Variants in AKR1C1 observed in about 807,000 individuals in gnomAD.
AKR1C1 encodes the protein 20 alpha-hydroxysteroid dehydrogenase.
A neutral mutation model predicts 40.6 loss-of-function variants in AKR1C1; 32 were observed. That is an observed-to-expected ratio of 0.79 (90% CI 0.60 to 1.06). The LOEUF (loss-of-function observed/expected upper bound fraction) is 1.06, where lower values mean the gene tolerates loss of function less well. Ranked by LOEUF, AKR1C1 falls within the 50% of genes least tolerant of loss-of-function variation. The probability of loss-of-function intolerance (pLI) is 0.00; values close to 1 mark genes in which losing one functional copy is unlikely to be tolerated. For missense variants in AKR1C1, 320 were observed against 363.5 expected, an observed-to-expected ratio of 0.88 and a Z score of 0.97; for synonymous variants, 105 against 134.2, an observed-to-expected ratio of 0.78 and a Z score of 1.50.
chr10:4,978,774 C>T lies in AKR1C1; in HGVS notation c.*1032C>T, dbSNP rs1229319873. ...TAATACATCTAATAAATCAAATGTT[C>T]CAAGACTTCAAAGGTCTTTTGGAAA... is the stretch of plus-strand genomic sequence containing the variant. On this transcript the variant is annotated 3_prime_UTR_variant, in exon 9 of 9. Coordinates refer to ENST00000380872, the MANE Select transcript of AKR1C1 (RefSeq NM_001353.6). The T allele has an allele frequency of 1.3e-5, 2 of 152,162 alleles. No homozygotes were observed. Among genetic ancestry groups the T allele is most frequent in the Non-Finnish European group, 2.9e-5 (2 of 68,028 alleles). 9.4% of individuals were successfully genotyped at this position (152,162 alleles called of 1,614,324 possible).
At chr10:4,965,169 G>T (rs1836311557) in intron 1 of AKR1C1, among the ~76,000 whole-genome samples, 1 of 152,224 alleles carries the variant, frequency 6.6e-6, no homozygotes, top group South Asian at 2.1e-4. Context: ...TGCATTCTGT[G>T]CAATATGGTG....
chr10:4,969,083 A>G (rs1836382295), intron 5 of AKR1C1, 139 bp downstream of exon 5: 1 of 1,517,660 alleles, frequency 6.6e-7, no homozygotes, highest in Non-Finnish European at 8.8e-7. Flanking sequence ...CTCGAAGGGC[A>G]TAGAGGGATC....
rs563851320 is a variant in AKR1C1 at position 4,982,872 on chromosome 10, C to G, written c.*5130C>G. The G allele has an allele frequency of 2.6e-5, 11 of 423,768 alleles. No individual in the cohort carries two copies. The highest frequency in any genetic ancestry group is 4.7e-5 in the Non-Finnish European group (10 of 211,432). The allele number at this position is 423,768 out of a possible 1,614,324, so 26.3% of individuals were successfully genotyped here. ...TGCATGAGCTCAGCTGTTACCACTG[C>G]GTACCACACCCTGACCAGTCAGAGG... On this transcript the variant is annotated 3_prime_UTR_variant, in exon 9 of 9. Transcript: ENST00000380872.
At chr10:4,967,155 A>G (rs4445550) in intron 3 of AKR1C1, 112 bp downstream of exon 3, 342,873 of 1,186,390 alleles carry the variant, frequency 0.29, 53,999 homozygotes, top group African/African-American at 0.52. Context: ...ATTATAACAT[A>G]GAAGAAGAAT....
chr10:4,966,191 C>A, intron 2 of AKR1C1, 110 bp downstream of exon 2: 2 of 1,496,014 alleles, frequency 1.3e-6, no homozygotes, highest in South Asian at 1.4e-5. Context: ...TTATTTATTA[C>A]GATTTATTCA....
At chr10:4,973,917 T>TA (rs1554770176) in intron 7 of AKR1C1, among the ~76,000 whole-genome samples, 1 of 147,428 alleles carries the variant, frequency 6.8e-6, no homozygotes, top group Non-Finnish European at 1.5e-5. Flanking sequence ...ATATGAAATA[T>TA]CATATATGAT....
intron 5 of AKR1C1, chr10:4,969,671 G>A (rs774111190): frequency 9.3e-6 from 15 of 1,610,208 alleles, no homozygotes; most frequent in Middle Eastern, 1.8e-4. Flanking sequence ...TGTTCCTTTT[G>A]TAGCCTAGAG....
rs1182407022 is a variant in AKR1C1 at position 4,980,295 on chromosome 10, A to G, written c.*2553A>G. The G allele has an allele frequency of 2.8e-5, 4 of 144,514 alleles. No individual in the cohort carries two copies. The highest frequency in any genetic ancestry group is 7.2e-5 in the Admixed American group (1 of 13,852). The allele number at this position is 144,514 out of a possible 1,614,324, so 9.0% of individuals were successfully genotyped here. On this transcript the variant is annotated 3_prime_UTR_variant, in exon 9 of 9. Transcript: ENST00000380872. ...AATCACGCCACCTCACAAAATGGTA[A>G]CAGTGGATATAAAGGATAGAAAGCT...
In AKR1C1 at chr10:4,977,023, G is replaced by T. The variant is rs372891236; in HGVS notation, c.930-677G>T. The stretch of plus-strand genomic sequence containing the variant: ...ATATGGTCTGGAGTAAACCACTTGC[G>T]AGCTTCCAAGTGTTTGCTCTTGGTG... On this transcript the variant is annotated intron_variant, in intron 8 of 8. Transcript: ENST00000380872. Among the ~76,000 whole-genome samples the T allele has an allele frequency of 6.6e-5, 10 of 152,288 alleles. No individual in the cohort carries two copies. The South Asian group carries it at 1.5e-3, about 22-fold the overall frequency.
intron 2 of AKR1C1, among the ~76,000 whole-genome samples, chr10:4,966,355 A>T (rs977997011): frequency 6.6e-6 from 1 of 152,214 alleles, no homozygotes; most frequent in African/African-American, 2.4e-5. Flanking sequence ...AATCAGAAAA[A>T]ATCCTAATCA....
At chr10:4,966,881 T>G (rs751643678) in intron 2 of AKR1C1, 46 bp from the exon 3 acceptor site, 31 of 1,555,924 alleles carry the variant, frequency 2.0e-5, no homozygotes, top group Non-Finnish European at 2.0e-5. Context: ...CTAGTAAAAT[T>G]GGCTCAAGTT....
intron 8 of AKR1C1, among the ~76,000 whole-genome samples, chr10:4,976,457 T>A (rs556155864): frequency 7.2e-5 from 11 of 152,204 alleles, no homozygotes; most frequent in Non-Finnish European, 1.5e-4. Context: ...TTTTCGTGCC[T>A]GTCTTTGCAT....
At chr10:4,968,558 G>A (rs2131642317) in intron 4 of AKR1C1, among the ~76,000 whole-genome samples, 172 bp downstream of exon 4, 1 of 152,306 alleles carries the variant, frequency 6.6e-6, no homozygotes, top group Admixed American at 6.5e-5. Context: ...ATACAAAAGA[G>A]AGAAGTGGAG....
chr10:4,965,667 G>C, intron 1 of AKR1C1: 1 of 408,844 alleles, frequency 2.4e-6, no homozygotes, highest in Non-Finnish European at 4.3e-6. Flanking sequence ...ACCTGAAATT[G>C]TTTTGGGGAC....
intron 2 of AKR1C1, 73 bp from the exon 3 acceptor site, chr10:4,966,854 A>C: frequency 7.3e-7 from 1 of 1,373,492 alleles, no homozygotes; most frequent in Non-Finnish European, 1.0e-6. Flanking sequence ...AAATGTCTAA[A>C]TATTAGGTGG....
At position 4,982,589 on chromosome 10, in the gene AKR1C1, C is replaced by T; in HGVS notation, c.*4847C>T. On this transcript the variant is annotated 3_prime_UTR_variant, in exon 9 of 9. Coordinates refer to ENST00000380872, the MANE Select transcript of AKR1C1 (RefSeq NM_001353.6). ...GAGTGCAGACCCACCTAACCCTGGA[C>T]CCACTGGTGGTACCCATCCACCCAT... 4.6e-6 allele frequency: 1 copy of T among 217,486 alleles called. No homozygotes were observed. The highest frequency in any genetic ancestry group is 9.2e-6 in the Non-Finnish European group (1 of 108,488). The allele number at this position is 217,486 out of a possible 1,614,324, so 13.5% of individuals were successfully genotyped here.
Position 4,981,584 on chromosome 10 carries a change from A to C in AKR1C1, c.*3842A>C, listed in dbSNP as rs1554771103. On this transcript the variant is annotated 3_prime_UTR_variant, in exon 9 of 9. Transcript: ENST00000380872. Reference sequence around the variant, plus strand: ...AATGCAGAGACTTAACAGATATATGAAAAAATTTCACATACACTCTGAAGA... The same window carrying C: ...AATGCAGAGACTTAACAGATATATGCAAAAATTTCACATACACTCTGAAGA... 3 of 151,854 alleles carry C rather than the reference A, an allele frequency of 2.0e-5. No individual in the cohort carries two copies. 9.4% of individuals were successfully genotyped at this position (151,854 alleles called of 1,614,324 possible). A position where few individuals can be genotyped will look rare whatever the true frequency, so the allele number is the denominator to read the frequency against.
intron 7 of AKR1C1, among the ~76,000 whole-genome samples, chr10:4,975,166 T>A (rs1554770330): frequency 6.6e-6 from 1 of 152,106 alleles, no homozygotes; most frequent in Non-Finnish European, 1.5e-5. Flanking sequence ...TATAGAAATA[T>A]TAAAAGAATA....
At position 4,968,819 on chromosome 10, in the gene AKR1C1, C is replaced by T; in HGVS notation, c.448-3C>T. On this transcript the variant is annotated splice_region_variant and splice_polypyrimidine_tract_variant and intron_variant, in intron 4 of 8. Transcript: ENST00000380872. ...TCCACACCTCACAATTCCTTTTTCCCAGGCCGTGGAGAAGTGTAAAGATGC... is the reference window on the plus strand; with the variant it reads ...TCCACACCTCACAATTCCTTTTTCCTAGGCCGTGGAGAAGTGTAAAGATGC... 6.2e-7 allele frequency: 1 copy of T among 1,613,974 alleles called. No homozygotes were observed.
Sources: gnomAD v4.1 joint callset for allele counts (sites outside exome capture counted in the v4.1 genomes callset) on GRCh38, gnomAD v4.1.1 for gene constraint, MANE v1.5 for transcripts, NCBI Gene and HGNC (gene_info 2026-07-23, HGNC 2026-07-21) for gene names.